The following GREB1 variants were observed in gnomAD, a reference collection of about 807,000 sequenced individuals.
GREB1 encodes protein GREB1.
GREB1 carries 106 observed loss-of-function variants against 200.7 expected under a neutral mutation model. The observed-to-expected ratio is 0.53, with a 90% CI of 0.45 to 0.62. The LOEUF is 0.62. GREB1 is among the 20% of genes least tolerant of loss of function. GREB1 has a pLI of 0.00. For missense variants in GREB1, 2,243 were observed against 2,556.8 expected, an observed-to-expected ratio of 0.88 and a Z score of 2.65; for synonymous variants, 1,132 against 1,092.4, an observed-to-expected ratio of 1.04 and a Z score of -0.72.
intron 13 of GREB1, among the ~76,000 whole-genome samples, chr2:11,596,926 GA>G (rs1191972824): frequency 5.3e-5 from 8 of 149,962 alleles, no homozygotes; most frequent in African/African-American, 1.2e-4. Context: ...TGTACAGTGA[GA>G]GGGGGCGGGG....
chr2:11,632,744 G>A (rs928644877), intron 27 of GREB1, 145 bp from the exon 28 acceptor site: 1 of 647,078 alleles, frequency 1.5e-6, no homozygotes, highest in South Asian at 1.9e-5. Context: ...CTAGCCCATG[G>A]GCTGTGTTTT....
At chr2:11,554,108 C>G (rs552142831) in intron 1 of GREB1, among the ~76,000 whole-genome samples, 2 of 152,068 alleles carry the variant, frequency 1.3e-5, no homozygotes, top group South Asian at 2.1e-4. Flanking sequence ...TGCCACAGAT[C>G]GAGAAAAAAG....
intron 17 of GREB1, among the ~76,000 whole-genome samples, chr2:11,607,557 T>C (rs1341396450): frequency 1.7e-5 from 2 of 121,048 alleles, no homozygotes; most frequent in African/African-American, 3.4e-5. Flanking sequence ...TGTACATACA[T>C]ATATATACGC....
chr2:11,545,251 C>T (rs571604586), intron 1 of GREB1, among the ~76,000 whole-genome samples: 18 of 152,238 alleles, frequency 1.2e-4, no homozygotes, highest in African/African-American at 4.1e-4. Flanking sequence ...TCTCCTGCCT[C>T]AGCCTCCGAG....
At chr2:11,572,663 A>C (rs1191346036) in intron 4 of GREB1, among the ~76,000 whole-genome samples, 1 of 151,240 alleles carries the variant, frequency 6.6e-6, no homozygotes, top group Non-Finnish European at 1.5e-5. Context: ...CATGACCCCC[A>C]CTGTGCTCTC....
intron 30 of GREB1, among the ~76,000 whole-genome samples, chr2:11,636,287 C>T (rs1166113972): frequency 6.6e-6 from 1 of 152,206 alleles, no homozygotes; most frequent in Non-Finnish European, 1.5e-5. Flanking sequence ...GACACCTTTA[C>T]CAGGGTCTCC....
intron 3 of GREB1, 111 bp downstream of exon 3, chr2:11,562,693 T>G: frequency 7.8e-7 from 1 of 1,280,232 alleles, no homozygotes; most frequent in Non-Finnish European, 1.1e-6. Flanking sequence ...CTCTTTGCTC[T>G]TCCTCTTTGC....
At chr2:11,544,159 A>G (rs1675019981) in intron 1 of GREB1, among the ~76,000 whole-genome samples, 1 of 152,160 alleles carries the variant, frequency 6.6e-6, no homozygotes, top group Non-Finnish European at 1.5e-5. Context: ...AAAATCATTC[A>G]GACCCCGATT....
Position 11,566,565 on chromosome 2 carries a change from G to T in GREB1, c.363G>T (p.Gly121=). 8 of 1,613,988 alleles carry T rather than the reference G, an allele frequency of 5.0e-6. No individual in the cohort carries two copies. Among genetic ancestry groups the T allele is most frequent in the Non-Finnish European group, 6.8e-6 (8 of 1,179,980 alleles). ...TCCCTGCGGGCTTTCTCCTCGTGGG[G>T]GTCAAGTCCCCCAGCCTGCCGGACC... is the stretch of plus-strand genomic sequence containing the variant. ...MDVPAGFLLV[G]VKSPSLPDHL... The change falls in exon 4 of 33, where the codon GGG becomes GGT. Residue 121 remains glycine, a synonymous_variant. Transcript: ENST00000381486.
intron 23 of GREB1, among the ~76,000 whole-genome samples, chr2:11,623,552 A>C (rs1227245921): frequency 6.6e-6 from 1 of 152,150 alleles, no homozygotes; most frequent in Non-Finnish European, 1.5e-5. Context: ...GATGCTGTAA[A>C]GGCTGGGCGA....
intron 8 of GREB1, among the ~76,000 whole-genome samples, chr2:11,585,507 T>G (rs1679989382): frequency 6.6e-6 from 1 of 152,322 alleles, no homozygotes; most frequent in East Asian, 1.9e-4. Flanking sequence ...CTCTGATCCT[T>G]GAGAAATTTT....
At chr2:11,543,862 G>A (rs551827123) in intron 1 of GREB1, among the ~76,000 whole-genome samples, 13 of 152,286 alleles carry the variant, frequency 8.5e-5, no homozygotes, top group Admixed American at 2.6e-4. Context: ...GCTGGGTGGT[G>A]TGAAGAAATG....
intron 17 of GREB1, among the ~76,000 whole-genome samples, chr2:11,608,511 T>C (rs1312981955): frequency 6.6e-6 from 1 of 152,238 alleles, no homozygotes; most frequent in East Asian, 1.9e-4. Context: ...TGTATGTCTA[T>C]AAATACTGAG....
rs371972292 is a variant in GREB1 at position 11,627,001 on chromosome 2, G to A, written c.4346G>A (p.Arg1449Gln). The change falls in exon 25 of 33, where the codon CGG becomes CAG. Residue 1449 changes from arginine to glutamine, a missense_variant. Physicochemically the swap from Arg to Gln is conservative, Grantham distance 43. Transcript: ENST00000381486. Reference sequence around the variant, plus strand: ...CGGAAGCCGGAGGACCTTTATGTGCGGCGTCAGACGGCACGGATGAGACTG... The same window carrying A: ...CGGAAGCCGGAGGACCTTTATGTGCAGCGTCAGACGGCACGGATGAGACTG... ...MSRKPEDLYV[R>Q]RQTARMRLSK... The A allele has an allele frequency of 3.1e-5, 50 of 1,613,910 alleles. No homozygotes were observed. Among genetic ancestry groups the A allele is most frequent in the Middle Eastern group, 3.3e-4 (2 of 6,084 alleles).
chr2:11,514,487 C>T (rs1341508079), intron 1 of GREB1, among the ~76,000 whole-genome samples: 3 of 152,192 alleles, frequency 2.0e-5, no homozygotes. Context: ...GTTGTGTCCT[C>T]AGATGTATGT....
intron 1 of GREB1, among the ~76,000 whole-genome samples, chr2:11,553,941 C>T (rs1281723261): frequency 1.7e-5 from 2 of 119,288 alleles, no homozygotes; most frequent in Non-Finnish European, 1.8e-5. Context: ...AAGCTTCTTC[C>T]TGTGTGCCTT....
intron 10 of GREB1, chr2:11,591,382 G>A (rs142883987): frequency 1.9e-5 from 14 of 734,666 alleles, no homozygotes; most frequent in African/African-American, 5.1e-5. Flanking sequence ...GAAGCCTGAC[G>A]CACTTTCTTC....
chr2:11,620,202 C>T (rs920608614), intron 22 of GREB1, among the ~76,000 whole-genome samples: 1 of 152,126 alleles, frequency 6.6e-6, no homozygotes, highest in African/African-American at 2.4e-5. Context: ...GTCTGGATCT[C>T]TTGACCTCGT....
intron 26 of GREB1, among the ~76,000 whole-genome samples, chr2:11,630,871 C>G (rs1475204694): frequency 2.0e-5 from 3 of 152,200 alleles, no homozygotes; most frequent in Non-Finnish European, 2.9e-5. Context: ...GCTCTTTAAC[C>G]AGCCCCGCTC....
Sources: gnomAD v4.1 joint callset for allele counts (sites outside exome capture counted in the v4.1 genomes callset) on GRCh38, gnomAD v4.1.1 for gene constraint, MANE v1.5 for transcripts, NCBI Gene and HGNC (gene_info 2026-07-23, HGNC 2026-07-21) for gene names.